The following CD82 variants were observed in gnomAD, a reference collection of about 807,000 sequenced individuals.
CD82 encodes CD82 antigen.
A neutral mutation model predicts 37.4 loss-of-function variants in CD82; 36 were observed. That is an observed-to-expected ratio of 0.96 (90% CI 0.74 to 1.27). The LOEUF is 1.27. CD82 is among the 50% of genes most tolerant of loss of function. The pLI is 0.00. For missense variants in CD82, 340 were observed against 347.0 expected (o/e 0.98, Z 0.16); for synonymous variants, 158 against 137.4 (o/e 1.15, Z -1.05).
At chr11:44,615,486 A>G in intron 7 of CD82, 113 bp downstream of exon 7, 1 of 689,056 alleles carries the variant, frequency 1.5e-6, no homozygotes, top group Non-Finnish European at 2.6e-6. Context: ...TGTGCCTGAC[A>G]GTTTGTAGGA....
At chr11:44,570,582 A>T (rs1397129924) in intron 1 of CD82, among the ~76,000 whole-genome samples, 1 of 152,244 alleles carries the variant, frequency 6.6e-6, no homozygotes, top group Non-Finnish European at 1.5e-5. Flanking sequence ...GCCGGGAAGC[A>T]GGACCTGGAT....
At chr11:44,601,637 C>T (rs184386254) in intron 4 of CD82, among the ~76,000 whole-genome samples, 133 of 152,312 alleles carry the variant, frequency 8.7e-4, no homozygotes, top group African/African-American at 3.1e-3. Flanking sequence ...GTGGGGAGAG[C>T]TTCCTGCATG....
chr11:44,588,901 T>TGG (rs567778787), intron 2 of CD82, among the ~76,000 whole-genome samples: 751 of 152,354 alleles, frequency 4.9e-3, no homozygotes, highest in Non-Finnish European at 7.6e-3. Context: ...ATGATATATT[T>TGG]CGTCAATTAA....
intron 8 of CD82, 133 bp from the exon 9 acceptor site, chr11:44,618,507 T>C (rs1034890870): frequency 4.7e-6 from 5 of 1,057,994 alleles, no homozygotes; most frequent in East Asian, 2.4e-5. Flanking sequence ...TCTTTGTTAA[T>C]GTATTTATTC....
At chr11:44,593,532 C>T (rs1396547424) in intron 2 of CD82, among the ~76,000 whole-genome samples, 2 of 152,220 alleles carry the variant, frequency 1.3e-5, no homozygotes, top group Non-Finnish European at 2.9e-5. Flanking sequence ...CTCTTCCTCC[C>T]GGGGCCCTCC....
At chr11:44,586,641 G>C (rs185111722) in intron 1 of CD82, among the ~76,000 whole-genome samples, 138 of 152,280 alleles carry the variant, frequency 9.1e-4, no homozygotes, top group African/African-American at 3.1e-3. Context: ...TGGTGACAGA[G>C]CAGAGTGAGG....
At chr11:44,615,835 T>A (rs1853556172) in intron 7 of CD82, among the ~76,000 whole-genome samples, 1 of 152,174 alleles carries the variant, frequency 6.6e-6, no homozygotes, top group South Asian at 2.1e-4. Context: ...TATGTGCACA[T>A]ACGTAAAAAT....
At position 44,619,923 on chromosome 11, in the gene CD82, G is replaced by C. The variant is rs975017379; in HGVS notation, c.*797G>C. The C allele has an allele frequency of 6.6e-6, 1 of 152,134 alleles. No homozygotes were observed. Among genetic ancestry groups the C allele is most frequent in the Non-Finnish European group, 1.5e-5 (1 of 68,026 alleles). 9.4% of individuals were successfully genotyped at this position (152,134 alleles called of 1,614,324 possible). A position where few individuals can be genotyped will look rare whatever the true frequency, so the allele number is the denominator to read the frequency against. On this transcript the variant is annotated 3_prime_UTR_variant, in exon 10 of 10. Transcript: ENST00000227155. Reference sequence around the variant, plus strand: ...TTATATTGAAGGCAGTGGGAGAGGGGAGAGGGTGGGTTTTACCTGATATTA... The same window carrying C: ...TTATATTGAAGGCAGTGGGAGAGGGCAGAGGGTGGGTTTTACCTGATATTA...
intron 4 of CD82, chr11:44,604,790 A>G: frequency 2.0e-6 from 1 of 506,958 alleles, no homozygotes; most frequent in Non-Finnish European, 3.6e-6. Flanking sequence ...TAGTCTATTC[A>G]ATCCTGAGAA....
intron 3 of CD82, among the ~76,000 whole-genome samples, chr11:44,596,043 C>T (rs1409387620): frequency 1.3e-5 from 2 of 152,240 alleles, no homozygotes; most frequent in Middle Eastern, 3.2e-3. Flanking sequence ...CACAGGAAGC[C>T]CTGGCGCTGC....
In CD82 at chr11:44,605,201, G is replaced by A. The variant is rs2134674191; in HGVS notation, c.261+19G>A. On this transcript the variant is annotated intron_variant, in intron 5 of 9. Coordinates refer to ENST00000227155, the MANE Select transcript of CD82 (RefSeq NM_002231.4). The stretch of plus-strand genomic sequence containing the variant: ...GGGGCTGGTGAGTACGGATCCCTCC[G>A]CAGCTGCCTGCCCATTTCCTCTCAT... 6.2e-7 allele frequency: 1 copy of A among 1,610,440 alleles called. No homozygotes were observed. The highest frequency in any genetic ancestry group is 8.5e-7 in the Non-Finnish European group (1 of 1,177,792).
chr11:44,606,865 T>G (rs1436455338), intron 6 of CD82: 1 of 152,334 alleles, frequency 6.6e-6, no homozygotes, highest in African/African-American at 2.4e-5. Context: ...AGTACAGTGT[T>G]GACCACGTTA....
At chr11:44,571,022 C>T (rs940702146) in intron 1 of CD82, among the ~76,000 whole-genome samples, 3 of 152,138 alleles carry the variant, frequency 2.0e-5, no homozygotes, top group African/African-American at 7.2e-5. Flanking sequence ...TCTTCTCCGC[C>T]GCCCCACCCC....
At chr11:44,583,543 C>T (rs1486698385) in intron 1 of CD82, among the ~76,000 whole-genome samples, 2 of 152,158 alleles carry the variant, frequency 1.3e-5, no homozygotes, top group African/African-American at 2.4e-5. Flanking sequence ...GATCAGGCAG[C>T]AGGCGGCAGA....
At chr11:44,570,879 G>A (rs1336673042) in intron 1 of CD82, among the ~76,000 whole-genome samples, 2 of 152,130 alleles carry the variant, frequency 1.3e-5, no homozygotes, top group African/African-American at 2.4e-5. Flanking sequence ...ACTCAAGCTG[G>A]GGCCTGGAGA....
intron 6 of CD82, among the ~76,000 whole-genome samples, chr11:44,613,486 G>A (rs1325953731): frequency 6.6e-6 from 1 of 152,206 alleles, no homozygotes; most frequent in Non-Finnish European, 1.5e-5. Flanking sequence ...ACCACAAGAA[G>A]GAACCCTTAA....
intron 4 of CD82, among the ~76,000 whole-genome samples, chr11:44,603,018 G>A (rs1430313003): frequency 6.6e-6 from 1 of 152,196 alleles, no homozygotes; most frequent in Non-Finnish European, 1.5e-5. Flanking sequence ...AAAGGGCCTT[G>A]TTCAGGGCTG....
intron 4 of CD82, among the ~76,000 whole-genome samples, chr11:44,602,346 C>T (rs576770500): frequency 1.3e-4 from 20 of 152,284 alleles, no homozygotes; most frequent in African/African-American, 4.8e-4. Context: ...AAATGAGGAT[C>T]GTAATAGAGT....
At chr11:44,595,157 G>T (rs938016727) in intron 3 of CD82, among the ~76,000 whole-genome samples, 2 of 152,164 alleles carry the variant, frequency 1.3e-5, no homozygotes, top group Admixed American at 1.3e-4. Flanking sequence ...TCACACCCCC[G>T]TCCCTGTCGT....
Sources: gnomAD v4.1 joint callset for allele counts (sites outside exome capture counted in the v4.1 genomes callset) on GRCh38, gnomAD v4.1.1 for gene constraint, MANE v1.5 for transcripts, NCBI Gene and HGNC (gene_info 2026-07-23, HGNC 2026-07-21) for gene names.